Variants in AGMO observed in about 807,000 individuals in gnomAD.
AGMO encodes the protein alkylglycerol monooxygenase.
AGMO carries 75 observed loss-of-function variants against 60.2 expected under a neutral mutation model. That is an observed-to-expected ratio of 1.25 (90% confidence interval 1.03 to 1.51). The LOEUF is 1.51. Among genes scored for constraint, AGMO ranks in the 40% most tolerant of loss-of-function variants. The probability of loss-of-function intolerance (pLI) is 0.00; values close to 1 mark genes in which losing one functional copy is unlikely to be tolerated. For missense variants in AGMO, 763 were observed against 525.5 expected (o/e 1.45, Z -4.42); for synonymous variants, 261 against 177.1 (o/e 1.47, Z -3.76).
intron 12 of AGMO, among the ~76,000 whole-genome samples, chr7:15,354,508 A>C (rs865876313): frequency 6.0e-5 from 4 of 66,166 alleles, no homozygotes; most frequent in Admixed American, 1.2e-4. Context: ...ATATATATAT[A>C]TATATATATA....
chr7:15,309,976 A>AT (rs1336800925), intron 12 of AGMO, among the ~76,000 whole-genome samples: 1 of 152,178 alleles, frequency 6.6e-6, no homozygotes, highest in Non-Finnish European at 1.5e-5. Flanking sequence ...TCAGCTTCAT[A>AT]TAAATTTTAT....
intron 3 of AGMO, among the ~76,000 whole-genome samples, chr7:15,480,982 T>TTTATACACAATTAATGTATAAACATTAA (rs1562528725): frequency 1.3e-5 from 2 of 152,278 alleles, no homozygotes; most frequent in African/African-American, 4.8e-5. Flanking sequence ...ATAAACATTA[T>TTTATACACAATTAATGTATAAACATTAA]GTTTATACAC....
intron 10 of AGMO, among the ~76,000 whole-genome samples, chr7:15,369,150 A>G (rs1386292028): frequency 6.6e-6 from 1 of 152,074 alleles, no homozygotes; most frequent in African/African-American, 2.4e-5. Flanking sequence ...CATGTGTTAC[A>G]AACAGCACAA....
chr7:15,517,011 T>C (rs1235689923), intron 3 of AGMO, among the ~76,000 whole-genome samples: 1 of 151,942 alleles, frequency 6.6e-6, no homozygotes, highest in Admixed American at 6.6e-5. Context: ...ACAATTTGAA[T>C]GCAGGAAGGA....
At chr7:15,164,372 A>G in the AGMO span, among the ~76,000 whole-genome samples, 1 of 152,174 alleles carries the variant, frequency 6.6e-6, no homozygotes, top group Non-Finnish European at 1.5e-5. Context: ...ACATGCAACA[A>G]AAAACAAAAA....
chr7:15,354,378 ATACACGTGTGTG>A (rs56784104), intron 12 of AGMO, among the ~76,000 whole-genome samples: 2,563 of 61,916 alleles, frequency 0.041, 379 homozygotes, highest in East Asian at 0.16. Flanking sequence ...AGACGTGTGT[ATACACGTGTGTG>A]TATACACGTG....
At chr7:15,289,864 C>G (rs1356415865) in intron 12 of AGMO, among the ~76,000 whole-genome samples, 2 of 150,550 alleles carry the variant, frequency 1.3e-5, no homozygotes, top group African/African-American at 4.9e-5. Context: ...GATCTACATG[C>G]CTAATTCTTT....
the AGMO span, among the ~76,000 whole-genome samples, chr7:15,149,135 TC>T: frequency 3.2e-3 from 483 of 152,316 alleles, 1 homozygote; most frequent in African/African-American, 0.011. Flanking sequence ...AAATGTCTAT[TC>T]ATGTCCTTTG....
intron 12 of AGMO, among the ~76,000 whole-genome samples, chr7:15,214,453 G>T (rs768012938): frequency 6.6e-5 from 10 of 151,854 alleles, no homozygotes; most frequent in African/African-American, 2.2e-4. Context: ...AACCCCTAAA[G>T]TATAATACAC....
chr7:15,148,028 C>T, the AGMO span, among the ~76,000 whole-genome samples: 1 of 152,118 alleles, frequency 6.6e-6, no homozygotes, highest in Non-Finnish European at 1.5e-5. Flanking sequence ...CAGTCTTGCT[C>T]AGTGGTAAAG....
intron 12 of AGMO, among the ~76,000 whole-genome samples, chr7:15,202,458 CAAAAA>C (rs71004370): frequency 2.9e-4 from 13 of 45,358 alleles, no homozygotes; most frequent in South Asian, 9.6e-4. Flanking sequence ...TACAAATGAG[CAAAAA>C]AAAAAAAAAA....
At chr7:15,273,138 C>T (rs980064164) in intron 12 of AGMO, among the ~76,000 whole-genome samples, 1 of 152,162 alleles carries the variant, frequency 6.6e-6, no homozygotes, top group Non-Finnish European at 1.5e-5. Context: ...TTAATTAGAT[C>T]CCATTTGTCA....
intron 3 of AGMO, among the ~76,000 whole-genome samples, chr7:15,525,057 T>G (rs1019093949): frequency 3.3e-5 from 5 of 152,112 alleles, no homozygotes; most frequent in Non-Finnish European, 5.9e-5. Context: ...AACTGAATTC[T>G]TGGCCATGAC....
chr7:15,512,650 T>C (rs1057436671), intron 3 of AGMO, among the ~76,000 whole-genome samples: 5 of 152,220 alleles, frequency 3.3e-5, no homozygotes, highest in Admixed American at 2.0e-4. Context: ...TCACATATTG[T>C]CACTTAGTAA....
intron 3 of AGMO, among the ~76,000 whole-genome samples, chr7:15,519,395 G>C (rs1483516574): frequency 6.6e-6 from 1 of 152,000 alleles, no homozygotes; most frequent in Non-Finnish European, 1.5e-5. Context: ...AAATGTTAAG[G>C]ACAGCCAGAG....
chr7:15,358,798 G>A (rs1202113887), intron 12 of AGMO, among the ~76,000 whole-genome samples: 1 of 152,100 alleles, frequency 6.6e-6, no homozygotes, highest in South Asian at 2.1e-4. Context: ...CTGAGTTTTA[G>A]GTCTGTTCTA....
intron 12 of AGMO, among the ~76,000 whole-genome samples, chr7:15,315,306 G>T (rs190912677): frequency 2.0e-4 from 27 of 132,440 alleles, no homozygotes; most frequent in African/African-American, 7.3e-4. Flanking sequence ...TAAGATATAA[G>T]CAAAACTTAC....
chr7:15,463,078 T>G (rs1782187528), intron 3 of AGMO, among the ~76,000 whole-genome samples: 1 of 152,118 alleles, frequency 6.6e-6, no homozygotes, highest in Non-Finnish European at 1.5e-5. Flanking sequence ...TAAAAATAAG[T>G]ACATTCCATT....
At chr7:15,172,800 C>T in the AGMO span, among the ~76,000 whole-genome samples, 8 of 152,094 alleles carry the variant, frequency 5.3e-5, no homozygotes, top group South Asian at 2.1e-4. Context: ...TTGAGCGTCG[C>T]GGAGACTTGT....
Sources: gnomAD v4.1 joint callset for allele counts (sites outside exome capture counted in the v4.1 genomes callset) on GRCh38, gnomAD v4.1.1 for gene constraint, MANE v1.5 for transcripts, NCBI Gene and HGNC (gene_info 2026-07-23, HGNC 2026-07-21) for gene names.